The following ALLC variants were observed in gnomAD, a reference collection of about 807,000 sequenced individuals.
ALLC encodes allantoicase, also known as probable inactive allantoicase.
Under a neutral mutation model 45.0 loss-of-function variants are expected in ALLC, and 40 were observed. The ratio of observed to expected loss-of-function variants is 0.89; its 90% CI spans 0.69 to 1.16. The LOEUF (loss-of-function observed/expected upper bound fraction) is 1.16, where lower values mean the gene tolerates loss of function less well. ALLC is among the 50% of genes most tolerant of loss of function. ALLC has a pLI of 0.00. For synonymous variants in ALLC, 176 were observed against 178.1 expected, an observed-to-expected ratio of 0.99 and a Z score of 0.09; for missense variants, 488 against 493.1, an observed-to-expected ratio of 0.99 and a Z score of 0.10.
Position 3,683,081 on chromosome 2 carries a change from G to A in ALLC, c.511+7G>A, listed in dbSNP as rs1207007496. On this transcript the variant is annotated splice_region_variant and intron_variant, in intron 7 of 11. Coordinates refer to ENST00000252505, the MANE Select transcript of ALLC (RefSeq NM_018436.4). ...AGACTCAACATTTTCCCAGGTAATC[G>A]TGACATGGACTTATCACCAGTTCCA... 1.9e-6 allele frequency: 3 copies of A among 1,612,622 alleles called. No homozygotes were observed. Among genetic ancestry groups the A allele is most frequent in the Non-Finnish European group, 2.5e-6 (3 of 1,179,438 alleles).
At position 3,678,530 on chromosome 2, in the gene ALLC, G is replaced by A; in HGVS notation, c.147G>A (p.Trp49Ter). ...YTEFGKWMDG[W>*]ETRRKRIPGH... Reference sequence around the variant, plus strand: ...AGTTTGGGAAATGGATGGATGGCTGGGAGACCAGGAGGAAAAGGATTCCAG... The same window carrying A: ...AGTTTGGGAAATGGATGGATGGCTGAGAGACCAGGAGGAAAAGGATTCCAG... The change falls in exon 4 of 12, where the codon TGG becomes TGA. Residue 49 changes from tryptophan to a stop codon, truncating the protein, a stop_gained. Transcript: ENST00000252505. LOFTEE classifies it high-confidence loss of function. 6.2e-7 allele frequency: 1 copy of A among 1,614,012 alleles called. No individual in the cohort carries two copies. Among genetic ancestry groups the A allele is most frequent in the Non-Finnish European group, 8.5e-7 (1 of 1,179,870 alleles).
At chr2:3,648,098 G>A in the ALLC span, among the ~76,000 whole-genome samples, 1 of 152,114 alleles carries the variant, frequency 6.6e-6, no homozygotes, top group Non-Finnish European at 1.5e-5. Flanking sequence ...CGGCAGCCCT[G>A]GCAGCCTCTC....
upstream of ALLC, among the ~76,000 whole-genome samples, chr2:3,655,376 A>C (rs1178049552): frequency 6.6e-6 from 1 of 152,208 alleles, no homozygotes; most frequent in Non-Finnish European, 1.5e-5. Context: ...AGGCTGGCAC[A>C]TGTGTCCCAG....
intron 3 of ALLC, among the ~76,000 whole-genome samples, chr2:3,674,635 G>A (rs962586458): frequency 1.2e-4 from 18 of 152,192 alleles, no homozygotes; most frequent in Admixed American, 7.2e-4. Flanking sequence ...TAATGCCCAC[G>A]TACAGCATTC....
At chr2:3,662,925 C>T (rs12623804) in intron 1 of ALLC, among the ~76,000 whole-genome samples, 8,215 of 152,162 alleles carry the variant, frequency 0.054, 358 homozygotes, top group East Asian at 0.21. Flanking sequence ...GGCAATGCTG[C>T]GACCCCCAGT....
Position 3,702,671 on chromosome 2 carries a change from A to G in ALLC, c.*108A>G. 8.2e-7 allele frequency: 1 copy of G among 1,223,466 alleles called. No individual in the cohort carries two copies. Among genetic ancestry groups the G allele is most frequent in the Non-Finnish European group, 1.1e-6 (1 of 900,968 alleles). The allele number at this position is 1,223,466 out of a possible 1,614,324, so 75.8% of individuals were successfully genotyped here. A position where few individuals can be genotyped will look rare whatever the true frequency, so the allele number is the denominator to read the frequency against. On this transcript the variant is annotated 3_prime_UTR_variant, in exon 12 of 12. Transcript: ENST00000252505. ...ATTTAATAAAGTGGTCGTCTCACAA[A>G]TTGATCTCTGTATTTAATGTTGCTA...
chr2:3,699,831 A>G (rs1000883734), intron 10 of ALLC, among the ~76,000 whole-genome samples: 3 of 152,136 alleles, frequency 2.0e-5, no homozygotes, highest in African/African-American at 7.2e-5. Flanking sequence ...TCCTTGGCCA[A>G]CTTTTTAATG....
chr2:3,675,293 G>T (rs1666993480), intron 3 of ALLC, among the ~76,000 whole-genome samples: 1 of 151,804 alleles, frequency 6.6e-6, no homozygotes, highest in South Asian at 2.1e-4. Flanking sequence ...AGAAGGCTGA[G>T]CTGGGAGGAT....
chr2:3,671,842 G>C, intron 2 of ALLC, among the ~76,000 whole-genome samples: 1 of 141,938 alleles, frequency 7.0e-6, no homozygotes, highest in African/African-American at 2.7e-5. Context: ...TAGATTGGAG[G>C]TCCTCTGGCT....
At position 3,678,065 on chromosome 2, in the gene ALLC, A is replaced by G. The variant is rs2148004581; in HGVS notation, c.85-403A>G. On this transcript the variant is annotated intron_variant, in intron 3 of 11. Coordinates refer to ENST00000252505, the MANE Select transcript of ALLC (RefSeq NM_018436.4). Reference sequence around the variant, plus strand: ...CACCTGGACCCTGAGCGTCCAGCCTACTCTTCCTATGACTTTGGATGAATT... The same window carrying G: ...CACCTGGACCCTGAGCGTCCAGCCTGCTCTTCCTATGACTTTGGATGAATT... Among the ~76,000 whole-genome samples the G allele has an allele frequency of 1.3e-5, 2 of 151,882 alleles. 1 individual carries two copies. Among genetic ancestry groups the G allele is most frequent in the East Asian group, 3.9e-4 (2 of 5,160 alleles).
intron 6 of ALLC, among the ~76,000 whole-genome samples, chr2:3,682,692 AT>A (rs1160164101): frequency 1.3e-5 from 2 of 151,876 alleles, no homozygotes; most frequent in Non-Finnish European, 2.9e-5. Flanking sequence ...CGCCCGGCTA[AT>A]TTTTTGTATT....
upstream of ALLC, among the ~76,000 whole-genome samples, chr2:3,653,227 A>C (rs373898868): frequency 6.6e-6 from 1 of 152,224 alleles, no homozygotes; most frequent in East Asian, 1.9e-4. The surrounding 1 kb of genome is among the most constrained non-coding windows in gnomAD (Gnocchi z 4.1). Context: ...GTTGGTCATG[A>C]GGTGAGCCCA....
chr2:3,648,776 A>T, the ALLC span, among the ~76,000 whole-genome samples: 2 of 152,110 alleles, frequency 1.3e-5, no homozygotes, highest in African/African-American at 4.8e-5. Context: ...CCACCAGCGC[A>T]TCACACGACC....
At chr2:3,699,218 C>G (rs1251090547) in intron 10 of ALLC, among the ~76,000 whole-genome samples, 2 of 152,190 alleles carry the variant, frequency 1.3e-5, no homozygotes, top group Non-Finnish European at 2.9e-5. Context: ...TCCATGTGTT[C>G]CCATTATTTA....
chr2:3,664,884 CAA>C (rs796912123), intron 1 of ALLC, among the ~76,000 whole-genome samples: 3 of 128,714 alleles, frequency 2.3e-5, no homozygotes, highest in African/African-American at 8.5e-5. Context: ...ACTCTGTCTC[CAA>C]AAAAAAAAAC....
intron 7 of ALLC, 139 bp from the exon 8 acceptor site, chr2:3,695,575 CTTG>C: frequency 1.2e-6 from 1 of 846,072 alleles, no homozygotes; most frequent in South Asian, 1.7e-5. Flanking sequence ...GGGCAGTGGG[CTTG>C]TTGTATTTGA....
chr2:3,651,442 T>TGTGTGTGTGTGTGTGCATGAGG, the ALLC span, among the ~76,000 whole-genome samples: 1 of 25,602 alleles, frequency 3.9e-5, no homozygotes, highest in Non-Finnish European at 1.0e-4. Flanking sequence ...TGTGTGTGTG[T>TGTGTGTGTGTGTGTGCATGAGG]TAGGAAGGGA....
At chr2:3,667,859 G>T (rs569010728) in intron 1 of ALLC, among the ~76,000 whole-genome samples, 37 of 152,278 alleles carry the variant, frequency 2.4e-4, no homozygotes, top group Non-Finnish European at 1.5e-5. Context: ...CCGCCTTCCG[G>T]GTTCAAGTGA....
At chr2:3,671,357 AT>A (rs1367913535) in intron 2 of ALLC, among the ~76,000 whole-genome samples, 167 bp downstream of exon 2, 1 of 152,240 alleles carries the variant, frequency 6.6e-6, no homozygotes, top group Admixed American at 6.5e-5. Flanking sequence ...TTTATCTTAA[AT>A]TGGTGACAAT....
Sources: gnomAD v4.1 joint callset for allele counts (sites outside exome capture counted in the v4.1 genomes callset) on GRCh38, gnomAD v4.1.1 for gene constraint, Gnocchi (gnomAD v3.1) non-coding constraint, MANE v1.5 for transcripts, NCBI Gene and HGNC (gene_info 2026-07-23, HGNC 2026-07-21) for gene names.